Variants in FAM9C observed in about 807,000 individuals in gnomAD.
FAM9C encodes family with sequence similarity 9 member C.
Under a neutral mutation model 14.8 loss-of-function variants are expected in FAM9C, and 15 were observed. The observed-to-expected ratio is 1.02, with a 90% confidence interval of 0.68 to 1.56. The LOEUF is 1.56. FAM9C is among the 40% of genes most tolerant of loss of function. The pLI is 0.00. For missense variants in FAM9C, 116 were observed against 118.0 expected (o/e 0.98, Z 0.08); for synonymous variants, 45 against 37.5 (o/e 1.20, Z -0.74).
intron 4 of FAM9C, 76 bp downstream of exon 4, chrX:13,042,842 A>C: frequency 9.6e-7 from 1 of 1,045,291 alleles, no homozygotes; most frequent in Non-Finnish European, 1.3e-6. Flanking sequence ...GTCATCCACT[A>C]ATTCATATAA....
At chrX:13,040,679 T>C in intron 5 of FAM9C, 79 bp downstream of exon 5, 2 of 686,901 alleles carry the variant, frequency 2.9e-6, no homozygotes, top group Non-Finnish European at 4.3e-6. Flanking sequence ...ATGTACAGGA[T>C]AGTTCTGGAA....
chrX:13,041,799 T>C (rs2043530044), intron 4 of FAM9C: 3 of 112,496 alleles, frequency 2.7e-5, no homozygotes, highest in Admixed American at 1.9e-4. Flanking sequence ...TTCAGAAAAC[T>C]GTAATACTGC....
chrX:13,043,723 G>A lies in FAM9C; in HGVS notation c.61+6C>T. The A allele has an allele frequency of 8.3e-7, 1 of 1,211,949 alleles. No individual in the cohort carries two copies. Among genetic ancestry groups the A allele is most frequent in the Non-Finnish European group, 1.1e-6 (1 of 895,325 alleles). On this transcript the variant is annotated splice_donor_region_variant and intron_variant, in intron 2 of 7. Coordinates refer to ENST00000380625, the MANE Select transcript of FAM9C (RefSeq NM_174901.6). ...CTTCTTCTAGGTCCCCTTGGGCTGT[G>A]TTTACCTGCAAGCTCCATTTCCTGG...
chrX:13,040,783 C>T lies in FAM9C; in HGVS notation c.304G>A (p.Val102Ile), dbSNP rs746450378. ...CTTTTTAGTTGTGTTGTTCTCAAAA[C>T]ATTTTTAATTCTGTTCTTTATTTCG... Reference protein sequence around the residue: ...CSEIKNRIKNVLRTTQLKRQK... With the variant: ...CSEIKNRIKNILRTTQLKRQK... Residue 102 changes from valine (V) to isoleucine (I), a missense_variant, in exon 5 of 8, where the codon GTT becomes ATT. Physicochemically the swap from Val to Ile is conservative, Grantham distance 29. Coordinates refer to ENST00000380625, the MANE Select transcript of FAM9C (RefSeq NM_174901.6). 1.5e-5 allele frequency: 18 copies of T among 1,185,242 alleles called. No homozygotes were observed. In the Admixed American group the frequency reaches 2.2e-4, roughly 14 times the overall value.
Position 13,042,758 on chromosome X carries a change from A to G in FAM9C, c.214+160T>C, listed in dbSNP as rs780934299. ...TCACATTCCACATCAACAATTAAAAAAGTAAGTAAGAAAAATTATTAAACA... is the reference window on the plus strand; with the variant it reads ...TCACATTCCACATCAACAATTAAAAGAGTAAGTAAGAAAAATTATTAAACA... On this transcript the variant is annotated intron_variant, in intron 4 of 7. Coordinates refer to ENST00000380625, the MANE Select transcript of FAM9C (RefSeq NM_174901.6). The G allele has an allele frequency of 2.2e-5, 13 of 598,116 alleles. No homozygotes were observed. In the Admixed American group the frequency reaches 3.8e-4, roughly 18 times the overall value. The allele number at this position is 598,116 out of a possible 1,213,427, so 49.3% of individuals were successfully genotyped here.
At chrX:13,037,606 C>T (rs2043489988) in intron 7 of FAM9C, 2 of 112,940 alleles carry the variant, frequency 1.8e-5, no homozygotes, top group Admixed American at 9.4e-5. Flanking sequence ...TTATTTAACA[C>T]ATCTCAGTTA....
At chrX:13,043,693 T>C in intron 2 of FAM9C, 36 bp downstream of exon 2, 2 of 1,206,835 alleles carry the variant, frequency 1.7e-6, no homozygotes, top group South Asian at 1.8e-5. Context: ...CTGTTGGGCG[T>C]GCACCTTCTT....
intron 6 of FAM9C, 152 bp from the exon 7 acceptor site, chrX:13,038,655 A>G (rs955131731): frequency 4.4e-6 from 2 of 451,593 alleles, no homozygotes; most frequent in Non-Finnish European, 3.5e-6. Context: ...TGTGTTCACC[A>G]CTCATGTGCT....
At chrX:13,044,213 G>T (rs1173882223) in intron 1 of FAM9C, among the ~76,000 whole-genome samples, 2 of 111,903 alleles carry the variant, frequency 1.8e-5, no homozygotes, top group African/African-American at 6.5e-5. Context: ...TTCTGACAGG[G>T]GCAGGGACTG....
chrX:13,038,549 A>G, intron 6 of FAM9C, 46 bp from the exon 7 acceptor site: 2 of 1,082,477 alleles, frequency 1.8e-6, no homozygotes, highest in African/African-American at 1.8e-5. Flanking sequence ...GTAAATTTTA[A>G]TACTTATAAA....
intron 5 of FAM9C, chrX:13,040,183 A>AATCTTTTT: frequency 2.1e-6 from 1 of 486,732 alleles, no homozygotes; most frequent in Non-Finnish European, 2.5e-6. Flanking sequence ...TCCCAGAAAC[A>AATCTTTTT]ATCTTTTTCT....
intron 2 of FAM9C, 62 bp downstream of exon 2, chrX:13,043,667 C>A: frequency 8.4e-7 from 1 of 1,190,740 alleles, no homozygotes; most frequent in Non-Finnish European, 1.1e-6. Flanking sequence ...TGCGCCCCGC[C>A]CAGAAAGCAG....
At chrX:13,040,282 G>A (rs1231301440) in intron 5 of FAM9C, 22 of 749,502 alleles carry the variant, frequency 2.9e-5, no homozygotes, top group South Asian at 1.4e-4. Flanking sequence ...CATTCATCCC[G>A]TAAGATTTCC....
chrX:13,043,322 A>G, intron 2 of FAM9C, 74 bp from the exon 3 acceptor site: 1 of 1,123,775 alleles, frequency 8.9e-7, no homozygotes, highest in South Asian at 2.2e-5. Context: ...AGAGAAACGT[A>G]CTATTTGTAG....
In FAM9C at chrX:13,044,530, G is replaced by A. The variant is rs2043559457; in HGVS notation, c.-69+10C>T. On this transcript the variant is annotated intron_variant, in intron 1 of 7. Coordinates refer to ENST00000380625, the MANE Select transcript of FAM9C (RefSeq NM_174901.6). Reference sequence around the variant, plus strand: ...CCGCCTTCCCCGCATCCCCACCGAGGGCGTCTCACCTGAGGGAGCCCTGAT... The same window carrying A: ...CCGCCTTCCCCGCATCCCCACCGAGAGCGTCTCACCTGAGGGAGCCCTGAT... 1 of 111,826 alleles carries A rather than the reference G, an allele frequency of 8.9e-6. No homozygotes were observed. The allele number at this position is 111,826 out of a possible 1,213,427, so 9.2% of individuals were successfully genotyped here. A position where few individuals can be genotyped will look rare whatever the true frequency, so the allele number is the denominator to read the frequency against.
chrX:13,043,320 G>T (rs918200803), intron 2 of FAM9C, 72 bp from the exon 3 acceptor site: 4 of 1,120,851 alleles, frequency 3.6e-6, no homozygotes, highest in African/African-American at 1.8e-5. Context: ...ATAGAGAAAC[G>T]TACTATTTGT....
chrX:13,043,334 CT>C, intron 2 of FAM9C, 86 bp from the exon 3 acceptor site: 2 of 1,084,155 alleles, frequency 1.8e-6, no homozygotes, highest in Non-Finnish European at 1.2e-6. Flanking sequence ...TATTTGTAGA[CT>C]TTTTTGGCTC....
At position 13,039,695 on chromosome X, in the gene FAM9C, C is replaced by T. The variant is rs1403378007; in HGVS notation, c.438+113G>A. The stretch of plus-strand genomic sequence containing the variant: ...CCTAGTCCATGAGTCCACTAATGGG[C>T]GACCCTCTCTGGGCTCATGCTCTCT... On this transcript the variant is annotated intron_variant, in intron 6 of 7. Transcript: ENST00000380625. 13 of 1,083,592 alleles carry T rather than the reference C, an allele frequency of 1.2e-5. No homozygotes were observed. The East Asian group carries it at 2.0e-4, about 16-fold the overall frequency. 89.3% of individuals were successfully genotyped at this position (1,083,592 alleles called of 1,213,427 possible). A position where few individuals can be genotyped will look rare whatever the true frequency, so the allele number is the denominator to read the frequency against.
intron 2 of FAM9C, 102 bp downstream of exon 2, chrX:13,043,627 G>A: frequency 9.7e-7 from 1 of 1,027,849 alleles, no homozygotes. Context: ...CCAAAGCCAC[G>A]AAGGGGCCGG....
Sources: gnomAD v4.1 joint callset for allele counts (sites outside exome capture counted in the v4.1 genomes callset) on GRCh38, gnomAD v4.1.1 for gene constraint, MANE v1.5 for transcripts, NCBI Gene and HGNC (gene_info 2026-07-23, HGNC 2026-07-21) for gene names.